The following PCNX2 variants were observed in gnomAD, a reference collection of about 807,000 sequenced individuals.
PCNX2 encodes pecanex-like protein 2.
PCNX2 carries 168 observed loss-of-function variants against 223.8 expected under a neutral mutation model. The ratio of observed to expected loss-of-function variants is 0.75; its 90% CI spans 0.66 to 0.85. The LOEUF (loss-of-function observed/expected upper bound fraction) is 0.85, where lower values mean the gene tolerates loss of function less well. Among genes scored for constraint, PCNX2 ranks in the 40% least tolerant of loss-of-function variants. The probability of loss-of-function intolerance (pLI) is 0.00; values close to 1 mark genes in which losing one functional copy is unlikely to be tolerated. For missense variants in PCNX2, 2,507 were observed against 2,675.5 expected (o/e 0.94, Z 1.39); for synonymous variants, 1,006 against 1,052.6 (o/e 0.96, Z 0.86).
chr1:233,293,900 C>T (rs1661918317), intron 1 of PCNX2: 1 of 936,512 alleles, frequency 1.1e-6, no homozygotes. Flanking sequence ...CTATGCTGTC[C>T]CTCTAGGAAA....
chr1:233,105,741 C>T (rs1447371624), intron 21 of PCNX2, among the ~76,000 whole-genome samples: 1 of 152,140 alleles, frequency 6.6e-6, no homozygotes, highest in Non-Finnish European at 1.5e-5. Context: ...GATTAGCTGA[C>T]CTTATGCAGC....
chr1:233,304,385 G>T, the PCNX2 span, among the ~76,000 whole-genome samples: 1 of 152,262 alleles, frequency 6.6e-6, no homozygotes, highest in African/African-American at 2.4e-5. Context: ...TTAGCACAAA[G>T]AAGGGAAATA....
rs143909399 is a variant in PCNX2, at chr1:233,243,045, G to A, written c.2223-6065C>T. Among the ~76,000 whole-genome samples the A allele has an allele frequency of 5.7e-4, 87 of 152,304 alleles. 1 individual carries two copies. Among genetic ancestry groups the A allele is most frequent in the African/African-American group, 2.0e-3 (82 of 41,562 alleles). On this transcript the variant is annotated intron_variant, in intron 8 of 33. Coordinates refer to ENST00000258229, the MANE Select transcript of PCNX2 (RefSeq NM_014801.4). ...CTCTATGGACAGCTATTGTACAACCGGAAAATGCTGCTTATGTTTCTGCAG... is the reference window on the plus strand; with the variant it reads ...CTCTATGGACAGCTATTGTACAACCAGAAAATGCTGCTTATGTTTCTGCAG...
At chr1:233,296,283 A>G (rs1662116361), upstream of PCNX2, among the ~76,000 whole-genome samples, 1 of 152,056 alleles carries the variant, frequency 6.6e-6, no homozygotes, top group Non-Finnish European at 1.5e-5. Context: ...TCTGCCACTG[A>G]TCTTCTGTCC....
intron 1 of PCNX2, among the ~76,000 whole-genome samples, chr1:233,292,895 CT>C (rs1273700666): frequency 6.6e-6 from 1 of 152,162 alleles, no homozygotes; most frequent in Admixed American, 6.5e-5. Context: ...TAAAGGCATG[CT>C]GGCATAGAGA....
intron 9 of PCNX2, among the ~76,000 whole-genome samples, chr1:233,236,541 T>G (rs1272588507): frequency 1.3e-5 from 2 of 151,750 alleles, no homozygotes; most frequent in Non-Finnish European, 2.9e-5. Flanking sequence ...CCTAATCCAG[T>G]GAGCTCTTGT....
chr1:233,026,006 A>C (rs1044912816), intron 25 of PCNX2, among the ~76,000 whole-genome samples: 11 of 152,246 alleles, frequency 7.2e-5, no homozygotes, highest in Non-Finnish European at 1.5e-4. Flanking sequence ...TATTGAGTGC[A>C]TCCAATGCAC....
At chr1:233,185,095 A>G (rs1375514888) in intron 15 of PCNX2, among the ~76,000 whole-genome samples, 1 of 85,864 alleles carries the variant, frequency 1.2e-5, no homozygotes, top group African/African-American at 4.9e-5. Flanking sequence ...ACACACACAC[A>G]CACACACACA....
intron 15 of PCNX2, among the ~76,000 whole-genome samples, chr1:233,195,701 A>G (rs1206681548): frequency 6.6e-6 from 1 of 152,242 alleles, no homozygotes; most frequent in Non-Finnish European, 1.5e-5. Context: ...CATTTAAAAT[A>G]ACATATAATG....
At chr1:233,190,680 CCT>C (rs1680372491) in intron 15 of PCNX2, among the ~76,000 whole-genome samples, 1 of 152,146 alleles carries the variant, frequency 6.6e-6, no homozygotes, top group South Asian at 2.1e-4. Context: ...CTGGTCAAAG[CCT>C]GTTTCAACAC....
chr1:233,204,476 T>A (rs1376153701), intron 13 of PCNX2, among the ~76,000 whole-genome samples: 2 of 152,218 alleles, frequency 1.3e-5, no homozygotes, highest in Non-Finnish European at 2.9e-5. Context: ...TTTCTCCCAA[T>A]GTTTTTCTTC....
intron 9 of PCNX2, among the ~76,000 whole-genome samples, chr1:233,228,900 A>G (rs1021942715): frequency 1.3e-5 from 2 of 152,232 alleles, no homozygotes; most frequent in African/African-American, 2.4e-5. Context: ...CATGGATTTA[A>G]GGTTATGATT....
At chr1:233,148,339 A>G (rs761061452) in intron 19 of PCNX2, among the ~76,000 whole-genome samples, 1 of 152,252 alleles carries the variant, frequency 6.6e-6, no homozygotes, top group Non-Finnish European at 1.5e-5. Context: ...AGTAGAGAAC[A>G]AAACCCAGAG....
At chr1:233,198,376 T>C (rs1680856889) in intron 15 of PCNX2, among the ~76,000 whole-genome samples, 1 of 152,208 alleles carries the variant, frequency 6.6e-6, no homozygotes, top group Admixed American at 6.5e-5. Context: ...GTACCTACAA[T>C]AGATACGTTT....
intron 23 of PCNX2, chr1:233,057,979 C>T (rs1298510083): frequency 1.3e-5 from 13 of 984,944 alleles, no homozygotes; most frequent in South Asian, 9.4e-5. Flanking sequence ...GAGTAGTCAA[C>T]GTCTCCACCA....
intron 25 of PCNX2, 117 bp from the exon 26 acceptor site, chr1:233,025,516 A>G: frequency 7.4e-7 from 1 of 1,349,134 alleles, no homozygotes; most frequent in Non-Finnish European, 9.9e-7. Flanking sequence ...TCGAGGAATC[A>G]GGAAATTTGT....
Position 232,983,616 on chromosome 1 carries a change from C to T in PCNX2, c.*688G>A, listed in dbSNP as rs760104310. 2.0e-5 allele frequency: 3 copies of T among 152,092 alleles called. No individual in the cohort carries two copies. The highest frequency in any genetic ancestry group is 6.5e-5 in the Admixed American group (1 of 15,274). 9.4% of individuals were successfully genotyped at this position (152,092 alleles called of 1,614,324 possible). The stretch of plus-strand genomic sequence containing the variant: ...GACTCCGCGGTGGATTTCCATGCAC[C>T]GAATGGACTCAGTTTCTAAACTCAC... On this transcript the variant is annotated 3_prime_UTR_variant, in exon 34 of 34. Coordinates refer to ENST00000258229, the MANE Select transcript of PCNX2 (RefSeq NM_014801.4).
chr1:233,088,564 GC>G (rs1673713386), intron 23 of PCNX2, among the ~76,000 whole-genome samples: 1 of 152,262 alleles, frequency 6.6e-6, no homozygotes, highest in Admixed American at 6.5e-5. Context: ...CAAATGAGCA[GC>G]CTTGTTATGT....
At chr1:233,063,115 T>A (rs571131962) in intron 23 of PCNX2, among the ~76,000 whole-genome samples, 1 of 152,084 alleles carries the variant, frequency 6.6e-6, no homozygotes, top group Non-Finnish European at 1.5e-5. Flanking sequence ...CACACCCTTG[T>A]AATCCCAGCT....
Sources: allele counts gnomAD v4.1 joint callset (sites outside exome capture counted in the v4.1 genomes callset), GRCh38; gene constraint gnomAD v4.1.1; transcripts MANE v1.5; gene names NCBI Gene and HGNC (gene_info 2026-07-23, HGNC 2026-07-21).